Variants in SEPTIN8 observed in about 807,000 individuals in gnomAD.
The protein encoded by SEPTIN8 is septin-8.
A neutral mutation model predicts 53.1 loss-of-function variants in SEPTIN8; 22 were observed. The observed-to-expected ratio is 0.41, with a 90% CI of 0.30 to 0.59. SEPTIN8 has a LOEUF of 0.59. Among genes scored for constraint, SEPTIN8 ranks in the 20% least tolerant of loss-of-function variants. SEPTIN8 has a pLI of 0.24. For synonymous variants in SEPTIN8, 228 were observed against 248.4 expected, an observed-to-expected ratio of 0.92 and a Z score of 0.77; for missense variants, 536 against 638.7, an observed-to-expected ratio of 0.84 and a Z score of 1.73.
intron 5 of SEPTIN8, 74 bp downstream of exon 5, chr5:132,762,410 T>TGGGGCTGTGTC: frequency 6.9e-7 from 1 of 1,447,110 alleles, no homozygotes; most frequent in South Asian, 1.2e-5. Context: ...AAGAGTCTCC[T>TGGGGCTGTGTC]GGGGCTGTGT....
At chr5:132,777,833 G>A (rs1442281054), upstream of SEPTIN8, 2 of 985,398 alleles carry the variant, frequency 2.0e-6, no homozygotes, top group Admixed American at 6.1e-5. The surrounding 1 kb of genome is among the most constrained non-coding windows in gnomAD (Gnocchi z 4.1). Flanking sequence ...TCCCGGGCAA[G>A]GGACCAGCCT....
intron 9 of SEPTIN8, chr5:132,758,303 CAAAAT>C (rs1755533745): frequency 7.4e-6 from 10 of 1,346,436 alleles, no homozygotes; most frequent in East Asian, 2.6e-5. Context: ...ACGCTGGTGC[CAAAAT>C]AAATATTTAG....
intron 1 of SEPTIN8, chr5:132,774,340 A>C (rs1331353520): frequency 1.3e-5 from 2 of 157,762 alleles, no homozygotes; most frequent in Non-Finnish European, 2.9e-5. Flanking sequence ...GTTGCTCACC[A>C]CGGGGTCTGA....
chr5:132,750,824 T>C lies in SEPTIN8; in HGVS notation c.*1192A>G. 1 of 1,608,546 alleles carries C rather than the reference T, an allele frequency of 6.2e-7. No homozygotes were observed. The highest frequency in any genetic ancestry group is 8.5e-7 in the Non-Finnish European group (1 of 1,177,834). On this transcript the variant is annotated 3_prime_UTR_variant, in exon 10 of 10. Coordinates refer to ENST00000378719, the MANE Select transcript of SEPTIN8 (RefSeq NM_001098811.2). ...AAACAAAAGCTACTATGACATGATG[T>C]AGGGCTTTGGCCTCTTTATTTTCTT...
chr5:132,763,961 G>C, intron 3 of SEPTIN8, 69 bp from the exon 4 acceptor site: 5 of 1,448,102 alleles, frequency 3.5e-6, no homozygotes, highest in Middle Eastern at 1.8e-4. Flanking sequence ...GGGGGCTCAG[G>C]GCTCGGGGCC....
chr5:132,779,130 A>G (rs1416370443), upstream of SEPTIN8, among the ~76,000 whole-genome samples: 12 of 152,222 alleles, frequency 7.9e-5, no homozygotes, highest in Admixed American at 4.6e-4. Context: ...AGTAAACAGG[A>G]GAATTTCCTC....
chr5:132,765,280 C>T (rs918141756), intron 2 of SEPTIN8, 129 bp downstream of exon 2: 11 of 1,116,302 alleles, frequency 9.9e-6, no homozygotes, highest in Admixed American at 9.1e-5. Flanking sequence ...ACCAAATCCT[C>T]GTCCTGACAC....
chr5:132,777,296 C>T (rs1757899718), upstream of SEPTIN8: 1 of 1,094,568 alleles, frequency 9.1e-7, no homozygotes, highest in Non-Finnish European at 1.1e-6. This position sits in a 1 kb window ranked among gnomAD's most constrained non-coding sequence, Gnocchi z 4.1. Context: ...CGGGAGAAGC[C>T]GCGGAGCCGC....
chr5:132,754,209 C>T (rs1755130499), intron 9 of SEPTIN8: 3 of 545,500 alleles, frequency 5.5e-6, no homozygotes, highest in East Asian at 2.9e-5. Context: ...TTTAGCCTTG[C>T]GAGAGTCAGA....
chr5:132,777,592 T>G, upstream of SEPTIN8: 2 of 981,050 alleles, frequency 2.0e-6, no homozygotes, highest in Non-Finnish European at 2.4e-6. The surrounding 1 kb of genome is among the most constrained non-coding windows in gnomAD (Gnocchi z 4.1). Flanking sequence ...AAGGGGGAAG[T>G]GGGGCACGGC....
chr5:132,779,482 G>T (rs1391063447), upstream of SEPTIN8, among the ~76,000 whole-genome samples: 7 of 152,216 alleles, frequency 4.6e-5, no homozygotes, highest in Non-Finnish European at 8.8e-5. Flanking sequence ...ACACTTTGTT[G>T]CCCCTTGTCT....
chr5:132,779,570 G>A (rs1259074567), upstream of SEPTIN8, among the ~76,000 whole-genome samples: 3 of 152,140 alleles, frequency 2.0e-5, no homozygotes, highest in African/African-American at 7.2e-5. Flanking sequence ...TGCCCTCCAG[G>A]CCTCTTGCTT....
upstream of SEPTIN8, among the ~76,000 whole-genome samples, chr5:132,778,988 G>A (rs1305680698): frequency 2.0e-5 from 3 of 152,080 alleles, no homozygotes; most frequent in African/African-American, 7.2e-5. Context: ...TCTTCAAAAT[G>A]GTCTTTTATC....
In SEPTIN8 at chr5:132,773,034, G is replaced by A. The variant is rs1218323921; in HGVS notation, c.30+4074C>T. ...ATCTAATTTGCCCCAAGAACATGTAGGGCAACTGCACGCAGAGCCAAGATG... is the reference window on the plus strand; with the variant it reads ...ATCTAATTTGCCCCAAGAACATGTAAGGCAACTGCACGCAGAGCCAAGATG... On this transcript the variant is annotated intron_variant, in intron 1 of 9. Transcript: ENST00000378719. This position sits in a 1 kb window ranked among gnomAD's most constrained non-coding sequence, Gnocchi z 4.2. 6.6e-6 allele frequency among the ~76,000 whole-genome samples: 1 copy of A among 152,168 alleles called. No homozygotes were observed. Among genetic ancestry groups the A allele is most frequent in the Non-Finnish European group, 1.5e-5 (1 of 68,022 alleles).
chr5:132,757,194 G>GTCTT (rs1171448602), intron 9 of SEPTIN8: 1 of 977,778 alleles, frequency 1.0e-6, no homozygotes, highest in African/African-American at 1.8e-5. Context: ...TCTTAAAGAA[G>GTCTT]TCTTTCTAAA....
In SEPTIN8 at chr5:132,751,977, G is replaced by A; in HGVS notation, c.*39C>T. The A allele has an allele frequency of 6.2e-7, 1 of 1,610,910 alleles. No individual in the cohort carries two copies. Among genetic ancestry groups the A allele is most frequent in the Non-Finnish European group, 8.5e-7 (1 of 1,178,776 alleles). On this transcript the variant is annotated 3_prime_UTR_variant, in exon 10 of 10. Transcript: ENST00000378719. ...ACCATGGTCTCCAGTTCCATGCCCT[G>A]GTGGTCCTGAGCTGGCCCCATGTGT...
chr5:132,764,303 G>A lies in SEPTIN8; in HGVS notation c.268C>T (p.Leu90Phe). 6.2e-7 allele frequency: 1 copy of A among 1,614,198 alleles called. No individual in the cohort carries two copies. The highest frequency in any genetic ancestry group is 8.5e-7 in the Non-Finnish European group (1 of 1,180,040). Residue 90 changes from leucine (L) to phenylalanine (F), a missense_variant, in exon 3 of 10, where the codon CTC (leucine) becomes TTC (phenylalanine). Physicochemically the swap from Leu to Phe is conservative, Grantham distance 22. Around this residue, in one of 3 missense-constraint regions of SEPTIN8, gnomAD observed 395 missense variants for 451.8 expected, o/e 0.87. Transcript: ENST00000378719. ...CVRLRPQTYDLQESNVQLKLT... is the reference protein window; with the variant it reads ...CVRLRPQTYDFQESNVQLKLT... Reference sequence around the variant, plus strand: ...TTGAGCTGCACGTTGCTCTCCTGGAGGTCATAGGTCTGGGGCCGCAGGCGC... The same window carrying A: ...TTGAGCTGCACGTTGCTCTCCTGGAAGTCATAGGTCTGGGGCCGCAGGCGC...
chr5:132,777,883 A>G, upstream of SEPTIN8: 3 of 985,512 alleles, frequency 3.0e-6, no homozygotes, highest in Non-Finnish European at 3.6e-6. This position sits in a 1 kb window ranked among gnomAD's most constrained non-coding sequence, Gnocchi z 4.1. Context: ...TGCGCAGTTT[A>G]GGCTGGGATT....
intron 9 of SEPTIN8, chr5:132,758,227 A>C (rs1755524784): frequency 8.0e-6 from 10 of 1,246,414 alleles, no homozygotes; most frequent in Non-Finnish European, 1.0e-5. Flanking sequence ...CTGTATTTTT[A>C]GTTTTTAAAA....
Sources: gnomAD v4.1 joint callset for allele counts (sites outside exome capture counted in the v4.1 genomes callset) on GRCh38, gnomAD v4.1.1 for gene constraint, gnomAD v4.1.1 regional missense constraint, Gnocchi (gnomAD v3.1) non-coding constraint, MANE v1.5 for transcripts, NCBI Gene and HGNC (gene_info 2026-07-23, HGNC 2026-07-21) for gene names.